ATRNL1: variants seen among roughly 807,000 people sequenced by gnomAD.
The protein encoded by ATRNL1 is attractin-like protein 1.
A neutral mutation model predicts 182.7 loss-of-function variants in ATRNL1; 95 were observed. The observed-to-expected ratio is 0.52, with a 90% CI of 0.44 to 0.62. The LOEUF (loss-of-function observed/expected upper bound fraction) is 0.62, where lower values mean the gene tolerates loss of function less well. Ranked by LOEUF, ATRNL1 falls within the 20% of genes least tolerant of loss-of-function variation. The probability of loss-of-function intolerance (pLI) is 0.00; values close to 1 mark genes in which losing one functional copy is unlikely to be tolerated. For synonymous variants in ATRNL1, 576 were observed against 568.3 expected, an observed-to-expected ratio of 1.01 and a Z score of -0.19; for missense variants, 1,471 against 1,679.5, an observed-to-expected ratio of 0.88 and a Z score of 2.17.
At chr10:115,462,618 A>T (rs1847870632) in intron 22 of ATRNL1, among the ~76,000 whole-genome samples, 1 of 152,126 alleles carries the variant, frequency 6.6e-6, no homozygotes, top group African/African-American at 2.4e-5. Flanking sequence ...CTCAAAAAAT[A>T]AATAAATAAA....
chr10:115,516,516 C>T (rs1850644150), intron 24 of ATRNL1, among the ~76,000 whole-genome samples: 1 of 151,896 alleles, frequency 6.6e-6, no homozygotes, highest in African/African-American at 2.4e-5. Context: ...TTCTTTCTCA[C>T]CCAACAGCCA....
intron 27 of ATRNL1, among the ~76,000 whole-genome samples, chr10:115,838,251 C>T (rs1278051951): frequency 6.6e-6 from 1 of 152,110 alleles, no homozygotes; most frequent in Admixed American, 6.5e-5. Context: ...CTTGAAATTG[C>T]AAAGGCTACT....
chr10:115,098,781 G>A (rs1235085283), intron 1 of ATRNL1, among the ~76,000 whole-genome samples: 1 of 151,998 alleles, frequency 6.6e-6, no homozygotes, highest in African/African-American at 2.4e-5. Context: ...TTCTAAAGGA[G>A]GCTTGTCTGA....
At chr10:115,508,708 G>A (rs1554981917) in intron 24 of ATRNL1, among the ~76,000 whole-genome samples, 2 of 152,028 alleles carry the variant, frequency 1.3e-5, no homozygotes, top group Admixed American at 6.6e-5. Context: ...CAAAGTCTGA[G>A]AGAGGTGAGG....
At chr10:115,547,893 A>G (rs1170083629) in intron 25 of ATRNL1, among the ~76,000 whole-genome samples, 3 of 152,224 alleles carry the variant, frequency 2.0e-5, no homozygotes, top group Non-Finnish European at 4.4e-5. Flanking sequence ...AAAGGGTGCT[A>G]TGTTAAAAAA....
chr10:115,095,135 G>C (rs1554862807), intron 1 of ATRNL1, among the ~76,000 whole-genome samples: 1 of 152,050 alleles, frequency 6.6e-6, no homozygotes, highest in African/African-American at 2.4e-5. Flanking sequence ...ACAACATGCA[G>C]GTAACAGTCA....
chr10:115,103,637 A>G (rs546231600), intron 1 of ATRNL1, among the ~76,000 whole-genome samples: 5 of 152,258 alleles, frequency 3.3e-5, no homozygotes, highest in Non-Finnish European at 5.9e-5. Context: ...TTGTGTTATA[A>G]ACAATTCATA....
intron 1 of ATRNL1, among the ~76,000 whole-genome samples, chr10:115,098,647 C>T (rs1486758862): frequency 6.6e-6 from 1 of 151,462 alleles, no homozygotes; most frequent in African/African-American, 2.4e-5. Flanking sequence ...TTAGTAGAGA[C>T]GGGGTATCAC....
intron 26 of ATRNL1, among the ~76,000 whole-genome samples, chr10:115,558,077 A>AAG (rs57883372): frequency 4.4e-4 from 66 of 151,186 alleles, no homozygotes; most frequent in African/African-American, 1.6e-3. Context: ...AAAAAAAAAA[A>AAG]CCATTTAAAA....
intron 28 of ATRNL1, among the ~76,000 whole-genome samples, chr10:115,894,455 AT>A (rs547146240): frequency 3.2e-3 from 490 of 151,716 alleles, no homozygotes; most frequent in African/African-American, 0.011. Context: ...ACCCAAGAGA[AT>A]TTTTTTTTCT....
intron 28 of ATRNL1, among the ~76,000 whole-genome samples, chr10:115,922,441 T>G (rs764242288): frequency 4.9e-4 from 75 of 152,312 alleles, no homozygotes; most frequent in African/African-American, 1.5e-3. Context: ...ATTCTATCTA[T>G]CTAGCTAGCT....
chr10:115,822,458 G>A (rs553250569), intron 27 of ATRNL1, among the ~76,000 whole-genome samples: 14 of 151,948 alleles, frequency 9.2e-5, no homozygotes, highest in East Asian at 3.9e-4. Context: ...ATAGAGAGAC[G>A]AAAAACCCTT....
chr10:115,643,178 A>G (rs1469555563), intron 26 of ATRNL1, among the ~76,000 whole-genome samples: 3 of 152,224 alleles, frequency 2.0e-5, no homozygotes, highest in Non-Finnish European at 4.4e-5. Context: ...CCACATATAT[A>G]TGATCAACTG....
chr10:115,131,267 TAC>T (rs1452191562), intron 5 of ATRNL1, among the ~76,000 whole-genome samples: 1 of 152,102 alleles, frequency 6.6e-6, no homozygotes, highest in Non-Finnish European at 1.5e-5. Flanking sequence ...TATTTATAAC[TAC>T]ATATATATTT....
At chr10:115,819,562 A>T (rs1950244624) in intron 27 of ATRNL1, among the ~76,000 whole-genome samples, 1 of 151,956 alleles carries the variant, frequency 6.6e-6, no homozygotes, top group Non-Finnish European at 1.5e-5. Flanking sequence ...TCTCTCACCA[A>T]ATCCATCCCT....
intron 26 of ATRNL1, among the ~76,000 whole-genome samples, chr10:115,647,428 CG>C (rs1281270392): frequency 6.6e-5 from 10 of 152,058 alleles, no homozygotes; most frequent in Non-Finnish European, 1.0e-4. Context: ...AGTGTAAAAG[CG>C]TTCCTATTTC....
At chr10:115,314,538 C>T (rs1214214227) in intron 17 of ATRNL1, among the ~76,000 whole-genome samples, 1 of 152,108 alleles carries the variant, frequency 6.6e-6, no homozygotes, top group African/African-American at 2.4e-5. Context: ...ATTCATGATG[C>T]CGTGTATGTC....
At chr10:115,514,647 T>C (rs1419522411) in intron 24 of ATRNL1, among the ~76,000 whole-genome samples, 1 of 151,894 alleles carries the variant, frequency 6.6e-6, no homozygotes, top group Non-Finnish European at 1.5e-5. Flanking sequence ...TTTAAGTATA[T>C]TGTTAGTCTG....
At chr10:115,903,764 A>G (rs1484043909) in intron 28 of ATRNL1, among the ~76,000 whole-genome samples, 1 of 151,966 alleles carries the variant, frequency 6.6e-6, no homozygotes. Flanking sequence ...CATACTTCCT[A>G]TGTTGTGAAG....
Sources: gnomAD v4.1 joint callset for allele counts (sites outside exome capture counted in the v4.1 genomes callset) on GRCh38, gnomAD v4.1.1 for gene constraint, MANE v1.5 for transcripts, NCBI Gene and HGNC (gene_info 2026-07-23, HGNC 2026-07-21) for gene names.